TMEM243: variants seen among roughly 807,000 people sequenced by gnomAD.
TMEM243 encodes MDR1 and mitochondrial taxol resistance associated.
In TMEM243, 20 loss-of-function variants were observed where a neutral mutation model predicts 15.0. That is an observed-to-expected ratio of 1.33 (90% CI 0.94 to 1.93). The LOEUF (loss-of-function observed/expected upper bound fraction) is 1.93. Ranked by LOEUF, TMEM243 falls within the 30% of genes most tolerant of loss-of-function variation. TMEM243 has a pLI of 0.00. For synonymous variants in TMEM243, 72 were observed against 52.7 expected, an observed-to-expected ratio of 1.37 and a Z score of -1.59; for missense variants, 156 against 142.1, an observed-to-expected ratio of 1.10 and a Z score of -0.50.
rs372424026 is a variant in TMEM243, at chr7:87,209,551, T to A, written c.78+9875A>T. On this transcript the variant is annotated intron_variant, in intron 1 of 3. Coordinates refer to ENST00000257637, the MANE Select transcript of TMEM243 (RefSeq NM_024315.4). ...GAGTGAGAGAGAAAGTGAGAGACAATGAGAGAGACAATGAGAGAGAGACAG... is the reference window on the plus strand; with the variant it reads ...GAGTGAGAGAGAAAGTGAGAGACAAAGAGAGAGACAATGAGAGAGAGACAG... Among the ~76,000 whole-genome samples the A allele has an allele frequency of 1.0e-3, 147 of 143,832 alleles. 1 individual carries two copies. Among genetic ancestry groups the A allele is most frequent in the African/African-American group, 3.6e-3 (137 of 38,496 alleles). The allele number at this position is 143,832 out of a possible 152,430, so 94.4% of individuals were successfully genotyped here. A position where few individuals can be genotyped will look rare whatever the true frequency, so the allele number is the denominator to read the frequency against.
chr7:87,196,477 T>A lies in TMEM243; in HGVS notation c.*159A>T, dbSNP rs117333549. ...AAAGAAAAAGCAAAGTGATCTAGGA[T>A]ATGTCTCCCTTGCAAGAGGGAATTA... is the stretch of plus-strand genomic sequence containing the variant. On this transcript the variant is annotated 3_prime_UTR_variant, in exon 4 of 4. Transcript: ENST00000257637. 2.9e-6 allele frequency: 2 copies of A among 690,820 alleles called. No homozygotes were observed. The highest frequency in any genetic ancestry group is 2.1e-5 in the South Asian group (1 of 48,376). 42.8% of individuals were successfully genotyped at this position (690,820 alleles called of 1,614,324 possible).
rs1200666167 is a variant in TMEM243 at position 87,209,716 on chromosome 7, C to CACAGTGAGAGCGAG, written c.78+9696_78+9709dup. ...AGAGCGAGACACAGTGAGAGCGAGA[C>CACAGTGAGAGCGAG]ACAGTGAGAGCGAGACACAGTGAGA... On this transcript the variant is annotated intron_variant, in intron 1 of 3. Coordinates refer to ENST00000257637, the MANE Select transcript of TMEM243 (RefSeq NM_024315.4). Among the ~76,000 whole-genome samples, 670 of 127,550 alleles carry CACAGTGAGAGCGAG rather than the reference C, an allele frequency of 5.3e-3. 31 individuals are homozygous for CACAGTGAGAGCGAG. The highest frequency in any genetic ancestry group is 0.02 in the African/African-American group (635 of 32,126). 83.7% of individuals were successfully genotyped at this position (127,550 alleles called of 152,430 possible).
intron 1 of TMEM243, among the ~76,000 whole-genome samples, chr7:87,203,627 G>A (rs769421603): frequency 1.1e-4 from 16 of 150,212 alleles, no homozygotes; most frequent in Non-Finnish European, 1.8e-4. Context: ...AAAAAAAATT[G>A]TCTTAAAAAA....
intron 1 of TMEM243, among the ~76,000 whole-genome samples, chr7:87,202,772 G>A (rs1801908950): frequency 6.6e-6 from 1 of 152,156 alleles, no homozygotes; most frequent in South Asian, 2.1e-4. Flanking sequence ...ATCTCATTCT[G>A]CCACTAGCTA....
At chr7:87,210,306 C>T (rs368752913) in intron 1 of TMEM243, among the ~76,000 whole-genome samples, 20 of 152,214 alleles carry the variant, frequency 1.3e-4, no homozygotes, top group Non-Finnish European at 2.4e-4. Context: ...CTGGGCCCTC[C>T]GAAACCTCAT....
At chr7:87,205,246 T>C (rs1027349572) in intron 1 of TMEM243, among the ~76,000 whole-genome samples, 1 of 152,170 alleles carries the variant, frequency 6.6e-6, no homozygotes, top group Non-Finnish European at 1.5e-5. Flanking sequence ...GTCTCTGACA[T>C]GGCCTGGAGA....
chr7:87,214,531 G>A (rs1343766482), intron 1 of TMEM243, among the ~76,000 whole-genome samples: 1 of 152,108 alleles, frequency 6.6e-6, no homozygotes, highest in Non-Finnish European at 1.5e-5. Context: ...ATTGAGTAAG[G>A]CGTTGTGCTA....
At chr7:87,197,786 CAG>C (rs1801443583) in intron 3 of TMEM243, 153 bp downstream of exon 3, 1 of 1,459,146 alleles carries the variant, frequency 6.9e-7, no homozygotes, top group East Asian at 2.8e-5. Flanking sequence ...GGAGAAGACT[CAG>C]ATTTTATTGA....
intron 1 of TMEM243, among the ~76,000 whole-genome samples, chr7:87,219,222 G>A (rs760980458): frequency 1.4e-4 from 21 of 152,154 alleles, no homozygotes; most frequent in Non-Finnish European, 2.4e-4. Flanking sequence ...CTCCACTCCA[G>A]CCTTCAAGGC....
intron 3 of TMEM243, 93 bp downstream of exon 3, chr7:87,197,844 GATAC>G (rs747842099): frequency 6.3e-7 from 1 of 1,585,878 alleles, no homozygotes; most frequent in East Asian, 2.4e-5. Context: ...ATAATTAAGA[GATAC>G]CCTTTTGTAT....
chr7:87,220,553 C>G (rs939740032), upstream of TMEM243: 1 of 152,316 alleles, frequency 6.6e-6, no homozygotes, highest in African/African-American at 2.4e-5. Flanking sequence ...TCCCCCGACC[C>G]GGACCCGCTG....
Position 87,196,552 on chromosome 7 carries a change from C to G in TMEM243, c.*84G>C. On this transcript the variant is annotated 3_prime_UTR_variant, in exon 4 of 4. Transcript: ENST00000257637. ...ATGTATCAGACTTCTGCAGGAGATT[C>G]TTCAGCATACCTTATCCAAAAATTA... 2 of 1,364,862 alleles carry G rather than the reference C, an allele frequency of 1.5e-6. No individual in the cohort carries two copies. The highest frequency in any genetic ancestry group is 1.8e-4 in the Middle Eastern group (1 of 5,552). 84.5% of individuals were successfully genotyped at this position (1,364,862 alleles called of 1,614,324 possible).
chr7:87,199,322 T>TA (rs138434891), intron 1 of TMEM243: 10,473 of 381,008 alleles, frequency 0.027, 204 homozygotes, highest in East Asian at 0.058. Flanking sequence ...ATCAAATGGG[T>TA]AAGGGAGGCT....
intron 1 of TMEM243, among the ~76,000 whole-genome samples, chr7:87,203,989 C>G (rs371928651): frequency 1.3e-5 from 2 of 152,132 alleles, no homozygotes; most frequent in East Asian, 3.8e-4. Context: ...ATACCCAAAA[C>G]CAGGTAGTTT....
At chr7:87,217,995 C>A (rs1019508301) in intron 1 of TMEM243, among the ~76,000 whole-genome samples, 2 of 152,264 alleles carry the variant, frequency 1.3e-5, no homozygotes, top group Non-Finnish European at 1.5e-5. Context: ...TCACCCAGAA[C>A]CCCAATCTAT....
intron 1 of TMEM243, among the ~76,000 whole-genome samples, chr7:87,210,724 A>G (rs1428528455): frequency 6.6e-6 from 1 of 152,236 alleles, no homozygotes; most frequent in African/African-American, 2.4e-5. Flanking sequence ...TGCAGGGTAC[A>G]GCCCCCACAG....
intron 3 of TMEM243, among the ~76,000 whole-genome samples, chr7:87,197,518 A>C (rs1024857756): frequency 2.6e-5 from 4 of 151,976 alleles, no homozygotes; most frequent in African/African-American, 9.7e-5. Context: ...TTTGGGAAAC[A>C]AACATGTAGA....
intron 1 of TMEM243, chr7:87,202,944 C>T (rs974786024): frequency 6.6e-6 from 1 of 152,266 alleles, no homozygotes; most frequent in Non-Finnish European, 1.5e-5. Flanking sequence ...GATTAAAAGC[C>T]AGAGAACCCC....
At chr7:87,213,444 G>A (rs982460906) in intron 1 of TMEM243, among the ~76,000 whole-genome samples, 3 of 152,334 alleles carry the variant, frequency 2.0e-5, no homozygotes, top group African/African-American at 7.2e-5. Context: ...AAATAGCTGT[G>A]CTTGATCACC....
Sources: gnomAD v4.1 joint callset for allele counts (sites outside exome capture counted in the v4.1 genomes callset) on GRCh38, gnomAD v4.1.1 for gene constraint, MANE v1.5 for transcripts, NCBI Gene and HGNC (gene_info 2026-07-23, HGNC 2026-07-21) for gene names.